The following EPSTI1 variants were observed in gnomAD, a reference collection of about 807,000 sequenced individuals.
EPSTI1 encodes the protein epithelial-stromal interaction protein 1.
In EPSTI1, 66 loss-of-function variants were observed where a neutral mutation model predicts 49.9. That is an observed-to-expected ratio of 1.32 (90% CI 1.08 to 1.62). EPSTI1 has a LOEUF of 1.62. Ranked by LOEUF, EPSTI1 falls within the 40% of genes most tolerant of loss-of-function variation. EPSTI1 has a pLI of 0.00. For synonymous variants in EPSTI1, 137 were observed against 130.7 expected, an observed-to-expected ratio of 1.05 and a Z score of -0.33; for missense variants, 394 against 365.5, an observed-to-expected ratio of 1.08 and a Z score of -0.64.
rs765717876 is a variant in EPSTI1 at position 42,923,581 on chromosome 13, A to T, written c.657+2755T>A. ...GTCTAAAAATAAATAAATAAATAAA[A>T]AATGGGGGCAGCAAACCAGAGACTA... is the stretch of plus-strand genomic sequence containing the variant. On this transcript the variant is annotated intron_variant, in intron 7 of 10. Transcript: ENST00000313624. Among the ~76,000 whole-genome samples the T allele has an allele frequency of 1.5e-4, 23 of 152,240 alleles. 1 individual carries two copies. In the East Asian group the frequency reaches 2.7e-3, roughly 18 times the overall value.
At chr13:42,961,881 C>T (rs1247979469) in intron 5 of EPSTI1, among the ~76,000 whole-genome samples, 8 of 152,124 alleles carry the variant, frequency 5.3e-5, no homozygotes, top group African/African-American at 1.9e-4. Context: ...AGGAGGGCAG[C>T]GTGTTTGCAG....
intron 6 of EPSTI1, among the ~76,000 whole-genome samples, chr13:42,938,272 G>C (rs1422388251): frequency 6.6e-6 from 1 of 152,092 alleles, no homozygotes; most frequent in East Asian, 1.9e-4. Flanking sequence ...TGGGTGATTA[G>C]GTGCATTGTC....
At chr13:42,911,192 G>T (rs2037661281) in intron 8 of EPSTI1, among the ~76,000 whole-genome samples, 2 of 150,102 alleles carry the variant, frequency 1.3e-5, no homozygotes, top group Non-Finnish European at 3.0e-5. Context: ...GTTAATCTCT[G>T]TCTTTATAAG....
chr13:42,903,611 C>T (rs2037421081), intron 8 of EPSTI1, among the ~76,000 whole-genome samples: 1 of 152,130 alleles, frequency 6.6e-6, no homozygotes, highest in African/African-American at 2.4e-5. Flanking sequence ...TAGGAAGAGA[C>T]ATGATACATA....
At position 42,932,756 on chromosome 13, in the gene EPSTI1, A is replaced by C. The variant is rs538417502; in HGVS notation, c.564-6327T>G. ...AACATTCATCAATTATAAAGAGAAA[A>C]ACAATAACTTAACAGTGGAGACCAC... On this transcript the variant is annotated intron_variant, in intron 6 of 10. Coordinates refer to ENST00000313624, the MANE Select transcript of EPSTI1 (RefSeq NM_033255.5). 4.6e-5 allele frequency among the ~76,000 whole-genome samples: 7 copies of C among 152,350 alleles called. No individual in the cohort carries two copies. In the South Asian group the frequency reaches 1.5e-3, roughly 32 times the overall value.
intron 6 of EPSTI1, among the ~76,000 whole-genome samples, chr13:42,938,203 T>A (rs2038629109): frequency 6.6e-6 from 1 of 152,138 alleles, no homozygotes; most frequent in Admixed American, 6.5e-5. Context: ...AAGTTTAAGT[T>A]GAAATATGCT....
chr13:42,921,087 G>A (rs1298988346), intron 7 of EPSTI1, among the ~76,000 whole-genome samples: 3 of 151,968 alleles, frequency 2.0e-5, no homozygotes, highest in Non-Finnish European at 4.4e-5. Flanking sequence ...ATTCCATAAA[G>A]AGAAAATGAA....
chr13:42,946,419 G>C (rs6561098), intron 6 of EPSTI1, among the ~76,000 whole-genome samples: 149,313 of 152,272 alleles, frequency 0.98, 73,258 homozygotes, highest in East Asian at 1. Flanking sequence ...TGAGCCCCTT[G>C]TCCCCTAGAA....
At chr13:42,945,193 G>A (rs9533313) in intron 6 of EPSTI1, among the ~76,000 whole-genome samples, 16,277 of 152,270 alleles carry the variant, frequency 0.11, 1,306 homozygotes, top group East Asian at 0.31. Context: ...AAAAGTGAAG[G>A]AGGAGCAAAG....
At chr13:42,897,926 T>G (rs2037242523) in intron 9 of EPSTI1, among the ~76,000 whole-genome samples, 3 of 152,240 alleles carry the variant, frequency 2.0e-5, no homozygotes, top group Admixed American at 2.0e-4. Flanking sequence ...TTCTGAGGGT[T>G]AATTTGGATA....
At chr13:42,943,482 C>T (rs1398555271) in intron 6 of EPSTI1, among the ~76,000 whole-genome samples, 1 of 152,110 alleles carries the variant, frequency 6.6e-6, no homozygotes, top group Non-Finnish European at 1.5e-5. Flanking sequence ...ACCCCCTACC[C>T]CAGGCTATAT....
At chr13:42,903,294 A>C (rs1356750921) in intron 8 of EPSTI1, among the ~76,000 whole-genome samples, 2 of 152,214 alleles carry the variant, frequency 1.3e-5, no homozygotes, top group Non-Finnish European at 2.9e-5. Context: ...ATACAATCAC[A>C]GCCATACAAA....
rs763983444 is a variant in EPSTI1, at chr13:42,895,067, T to C, written c.857A>G (p.Gln286Arg). Reference sequence around the variant, plus strand: ...TCCAGATTGCTCGAGGCCACCTGGTTGACTTTTGCCTTGGAGTCGGTCCAG... The same window carrying C: ...TCCAGATTGCTCGAGGCCACCTGGTCGACTTTTGCCTTGGAGTCGGTCCAG... The part of the protein sequence containing the change: ...AFLDRLQGKS[Q>R]PGGLEQSGGC... Residue 286 changes from glutamine to arginine, a missense_variant, in exon 10 of 11, where the codon CAA becomes CGA. Gln to Arg is a conservative substitution (Grantham distance 43). Transcript: ENST00000313624. 1.2e-6 allele frequency: 2 copies of C among 1,613,722 alleles called. No individual in the cohort carries two copies. The highest frequency in any genetic ancestry group is 3.3e-5 in the Admixed American group (2 of 59,968).
chr13:42,933,096 A>C (rs2038432449), intron 6 of EPSTI1, among the ~76,000 whole-genome samples: 1 of 152,192 alleles, frequency 6.6e-6, no homozygotes, highest in East Asian at 1.9e-4. Flanking sequence ...TGGATCCTGA[A>C]ATAGAAAAGG....
In EPSTI1 at chr13:42,918,027, C is replaced by T. The variant is rs138153290; in HGVS notation, c.658-403G>A. 3.3e-5 allele frequency among the ~76,000 whole-genome samples: 5 copies of T among 152,242 alleles called. No individual in the cohort carries two copies. In the East Asian group the frequency reaches 7.7e-4, roughly 24 times the overall value. On this transcript the variant is annotated intron_variant, in intron 7 of 10. Transcript: ENST00000313624. ...AATAGTGGCACTGTCTTTAGAAGAA[C>T]GGGCATGTCTACTGCTCATTAATGA...
chr13:42,992,146 A>T lies in EPSTI1; in HGVS notation c.20T>A (p.Val7Glu). MNTRNR[V>E]VNSGLGASPA... ...GGAGGCGCCGAGCCCGGAGTTCACC[A>T]CTCTATTGCGGGTGTTCATGGTTCA... Residue 7 changes from valine to glutamate, a missense_variant, in exon 1 of 11, where the codon GTG (valine) becomes GAG (glutamate). By Grantham distance (121) the Val-to-Glu change is moderately radical. Coordinates refer to ENST00000313624, the MANE Select transcript of EPSTI1 (RefSeq NM_033255.5). 1 of 1,594,074 alleles carries T rather than the reference A, an allele frequency of 6.3e-7. No individual in the cohort carries two copies. The highest frequency in any genetic ancestry group is 2.2e-5 in the East Asian group (1 of 44,624).
chr13:42,952,213 G>T (rs974189024), intron 6 of EPSTI1, among the ~76,000 whole-genome samples: 2 of 152,196 alleles, frequency 1.3e-5, no homozygotes, highest in African/African-American at 4.8e-5. Context: ...GCCAGCAGCG[G>T]CAACCTGTTT....
At chr13:42,975,675 G>A (rs544719582) in intron 1 of EPSTI1, among the ~76,000 whole-genome samples, 2 of 152,278 alleles carry the variant, frequency 1.3e-5, no homozygotes, top group East Asian at 3.9e-4. Context: ...AAGATACATG[G>A]TTTGGTATGT....
intron 3 of EPSTI1, among the ~76,000 whole-genome samples, chr13:42,964,370 T>C (rs1023252724): frequency 6.6e-6 from 1 of 152,118 alleles, no homozygotes; most frequent in Admixed American, 6.5e-5. Context: ...AAAAGAGCAC[T>C]TTTACTAAGG....
Sources: allele counts gnomAD v4.1 joint callset (sites outside exome capture counted in the v4.1 genomes callset), GRCh38; gene constraint gnomAD v4.1.1; transcripts MANE v1.5; gene names NCBI Gene and HGNC (gene_info 2026-07-23, HGNC 2026-07-21).